The following POR variants were observed in gnomAD, a reference collection of about 807,000 sequenced individuals.
POR encodes cytochrome p450 oxidoreductase.
A neutral mutation model predicts 84.0 loss-of-function variants in POR; 56 were observed. The observed-to-expected ratio is 0.67, with a 90% confidence interval of 0.54 to 0.83. The LOEUF is 0.83. Ranked by LOEUF, POR falls within the 40% of genes least tolerant of loss-of-function variation. POR has a pLI of 0.00. For synonymous variants in POR, 414 were observed against 400.5 expected, an observed-to-expected ratio of 1.03 and a Z score of -0.40; for missense variants, 938 against 944.3, an observed-to-expected ratio of 0.99 and a Z score of 0.09.
intron 1 of POR, among the ~76,000 whole-genome samples, chr7:75,950,829 G>A (rs1231520992): frequency 3.3e-5 from 5 of 152,002 alleles, no homozygotes; most frequent in Admixed American, 1.3e-4. Context: ...TTGGGAGGCC[G>A]AGGCAGGATC....
At chr7:75,961,200 T>A (rs1787921197) in intron 2 of POR, among the ~76,000 whole-genome samples, 1 of 150,964 alleles carries the variant, frequency 6.6e-6, no homozygotes. Context: ...GCTACTGCAT[T>A]CCAGCCTGGG....
At chr7:75,957,021 C>CG (rs1787718487) in intron 2 of POR, among the ~76,000 whole-genome samples, 1 of 152,172 alleles carries the variant, frequency 6.6e-6, no homozygotes, top group African/African-American at 2.4e-5. Context: ...CCACCACACC[C>CG]GGCCACAGCG....
chr7:75,965,430 G>A (rs1223937425), intron 2 of POR, among the ~76,000 whole-genome samples: 2 of 152,106 alleles, frequency 1.3e-5, no homozygotes, highest in Non-Finnish European at 2.9e-5. Context: ...TGAGAGCTGG[G>A]ATTCCAGCCT....
Position 75,985,762 on chromosome 7 carries a change from A to G in POR, c.1582A>G (p.Thr528Ala). The G allele has an allele frequency of 1.3e-6, 2 of 1,580,156 alleles. No individual in the cohort carries two copies. The highest frequency in any genetic ancestry group is 4.7e-5 in the East Asian group (2 of 42,988). ...CCAGTTCCGCCTGCCCTTCAAGGCC[A>G]CCACGCCTGTCATCATGGTGGGCCC... Residue 528 changes from threonine (T) to alanine (A), a missense_variant, in exon 13 of 16, where the codon ACC becomes GCC. By Grantham distance (58) the Thr-to-Ala change is moderately conservative. Transcript: ENST00000461988.
chr7:75,963,181 T>C (rs1396449616), intron 2 of POR, among the ~76,000 whole-genome samples: 1 of 152,142 alleles, frequency 6.6e-6, no homozygotes, highest in Non-Finnish European at 1.5e-5. Flanking sequence ...AGGGTCACTT[T>C]CTCTGTAGTG....
intron 1 of POR, among the ~76,000 whole-genome samples, chr7:75,951,289 G>T (rs1554552789): frequency 6.6e-6 from 1 of 151,940 alleles, no homozygotes. Flanking sequence ...AGGTACCCTG[G>T]AGGCTGAGGC....
chr7:75,919,382 C>CGTGTGTGTGTGTGTGTGTGTGTGT (rs56136603), intron 1 of POR, among the ~76,000 whole-genome samples: 1 of 146,432 alleles, frequency 6.8e-6, no homozygotes, highest in African/African-American at 2.5e-5. Flanking sequence ...TCTGTGCGTG[C>CGTGTGTGTGTGTGTGTGTGTGTGT]GTGTGTGTGT....
intron 3 of POR, 56 bp downstream of exon 3, chr7:75,972,517 G>A: frequency 4.0e-6 from 6 of 1,488,574 alleles, no homozygotes; most frequent in Non-Finnish European, 5.5e-6. Context: ...CGATGGGCAT[G>A]TAATCAAGTC....
At position 75,923,326 on chromosome 7, in the gene POR, C is replaced by T. The variant is rs1458376561; in HGVS notation, c.-5+8147C>T. ...CAGGAGATCTCATGGTTCTTGTCCC[C>T]TTTCCACCTCTCAGTGGACTGTCAT... On this transcript the variant is annotated intron_variant, in intron 1 of 15. Coordinates refer to ENST00000461988, the MANE Select transcript of POR (RefSeq NM_000941.3). The T allele has an allele frequency of 1.9e-5, 20 of 1,028,968 alleles. No individual in the cohort carries two copies. In the African/African-American group the frequency reaches 2.8e-4, roughly 15 times the overall value. 63.7% of individuals were successfully genotyped at this position (1,028,968 alleles called of 1,614,324 possible).
chr7:75,926,585 C>T (rs1807142293), intron 1 of POR, among the ~76,000 whole-genome samples: 1 of 152,074 alleles, frequency 6.6e-6, no homozygotes, highest in African/African-American at 2.4e-5. Flanking sequence ...CACCTGAGGT[C>T]GCGAGTTCGA....
At chr7:75,975,198 TC>T (rs1554556671) in intron 3 of POR, among the ~76,000 whole-genome samples, 1 of 152,166 alleles carries the variant, frequency 6.6e-6, no homozygotes, top group African/African-American at 2.4e-5. Flanking sequence ...TTTTTCATAT[TC>T]AAAATTTAAA....
At chr7:75,954,925 C>G (rs544085556) in intron 2 of POR, among the ~76,000 whole-genome samples, 2 of 152,224 alleles carry the variant, frequency 1.3e-5, no homozygotes, top group South Asian at 4.2e-4. Flanking sequence ...CCAGGCTGGT[C>G]TCAAACTCCT....
chr7:75,918,902 G>A (rs567333279), intron 1 of POR, among the ~76,000 whole-genome samples: 5 of 151,372 alleles, frequency 3.3e-5, no homozygotes, highest in South Asian at 2.1e-4. Flanking sequence ...CTGAGGTCGC[G>A]TGGTGGCACT....
intron 1 of POR, chr7:75,943,962 A>G: frequency 2.2e-6 from 1 of 450,662 alleles, no homozygotes; most frequent in Non-Finnish European, 4.3e-6. Flanking sequence ...TTAAAAAAAA[A>G]ATAGCCAAGG....
At position 75,984,911 on chromosome 7, in the gene POR, G is replaced by A. The variant is rs376672227; in HGVS notation, c.1201G>A (p.Glu401Lys). Residue 401 changes from glutamate to lysine, a missense_variant, in exon 11 of 16, where the codon GAG becomes AAG. Coordinates refer to ENST00000461988, the MANE Select transcript of POR (RefSeq NM_000941.3). The stretch of plus-strand genomic sequence containing the variant: ...GGCGCAGTACGCCTCGGAGCCCTCG[G>A]AGCAGGAGCTGCTGCGCAAGATGGC... The A allele has an allele frequency of 2.5e-6, 4 of 1,608,756 alleles. No homozygotes were observed.
At chr7:75,960,450 T>C (rs1334656088) in intron 2 of POR, among the ~76,000 whole-genome samples, 1 of 151,992 alleles carries the variant, frequency 6.6e-6, no homozygotes, top group African/African-American at 2.4e-5. Flanking sequence ...GTAGCTGGGG[T>C]GACGGGCACA....
intron 2 of POR, among the ~76,000 whole-genome samples, chr7:75,971,528 A>C (rs1036254946): frequency 3.9e-5 from 6 of 151,950 alleles, no homozygotes; most frequent in Non-Finnish European, 7.4e-5. Flanking sequence ...CGGGGGTAGA[A>C]GGCCAGAAGT....
Position 75,973,699 on chromosome 7 carries a change from T to TG in POR, c.237+1239dup, listed in dbSNP as rs1554556486. Among the ~76,000 whole-genome samples, 58 of 137,010 alleles carry TG rather than the reference T, an allele frequency of 4.2e-4. 1 individual carries two copies. Among genetic ancestry groups the TG allele is most frequent in the Non-Finnish European group, 6.6e-4 (42 of 63,488 alleles). 89.9% of individuals were successfully genotyped at this position (137,010 alleles called of 152,430 possible). ...CTTTTTTTTTTTTTTTTTTTTTTTT[T>TG]GAGACAGAGTCTCGCTCTGTCGCCC... is the stretch of plus-strand genomic sequence containing the variant. On this transcript the variant is annotated intron_variant, in intron 3 of 15. Coordinates refer to ENST00000461988, the MANE Select transcript of POR (RefSeq NM_000941.3).
chr7:75,928,409 T>G (rs181689915), intron 1 of POR, among the ~76,000 whole-genome samples: 1 of 152,388 alleles, frequency 6.6e-6, no homozygotes, highest in Admixed American at 6.5e-5. Context: ...TGCGTGTTTC[T>G]GGGCTCCCAC....
Sources: gnomAD v4.1 joint callset for allele counts (sites outside exome capture counted in the v4.1 genomes callset) on GRCh38, gnomAD v4.1.1 for gene constraint, MANE v1.5 for transcripts, NCBI Gene and HGNC (gene_info 2026-07-23, HGNC 2026-07-21) for gene names.